Variants in HPRT1 observed in about 807,000 individuals in gnomAD.
HPRT1 encodes the protein hypoxanthine phosphoribosyltransferase 1, also known as hypoxanthine-guanine phosphoribosyltransferase.
A neutral mutation model predicts 19.0 loss-of-function variants in HPRT1; 4 were observed. That is an observed-to-expected ratio of 0.21 (90% CI 0.10 to 0.48). The LOEUF (loss-of-function observed/expected upper bound fraction) is 0.48, where lower values mean the gene tolerates loss of function less well. Among genes scored for constraint, HPRT1 ranks in the 20% least tolerant of loss-of-function variants. The probability of loss-of-function intolerance (pLI) is 0.98; values close to 1 mark genes in which losing one functional copy is unlikely to be tolerated. For missense variants in HPRT1, 65 were observed against 164.0 expected (o/e 0.40, Z 3.30); for synonymous variants, 53 against 54.9 (o/e 0.97, Z 0.15).
At chrX:134,492,369 T>A (rs988168069) in intron 5 of HPRT1, 2 of 201,098 alleles carry the variant, frequency 9.9e-6, no homozygotes. Flanking sequence ...CCCAGAAGTA[T>A]GACAATTATC....
At chrX:134,488,930 C>A (rs931615511) in intron 4 of HPRT1, among the ~76,000 whole-genome samples, 3 of 111,690 alleles carry the variant, frequency 2.7e-5, no homozygotes, top group Non-Finnish European at 5.6e-5. Flanking sequence ...TTTTTCCTGC[C>A]TGTAAAATAG....
At chrX:134,469,810 A>G (rs2077606258) in intron 1 of HPRT1, among the ~76,000 whole-genome samples, 2 of 112,326 alleles carry the variant, frequency 1.8e-5, no homozygotes, top group Non-Finnish European at 3.7e-5. Flanking sequence ...CATTCTTGTC[A>G]AGTGATAACA....
At chrX:134,475,047 ATTTTT>A in intron 2 of HPRT1, 129 bp from the exon 3 acceptor site, 1 of 415,732 alleles carries the variant, frequency 2.4e-6, no homozygotes. Context: ...TGCCTGGCTA[ATTTTT>A]TTTTTTTTGC....
chrX:134,467,869 G>A (rs2077600978), intron 1 of HPRT1, among the ~76,000 whole-genome samples: 1 of 98,576 alleles, frequency 1.0e-5, no homozygotes, highest in South Asian at 5.3e-4. Context: ...GTAGTGGTAT[G>A]ATCTCGGCTC....
intron 6 of HPRT1, 58 bp from the exon 7 acceptor site, chrX:134,498,332 C>A: frequency 1.1e-6 from 1 of 942,687 alleles, no homozygotes; most frequent in Non-Finnish European, 1.5e-6. Context: ...TCAGTCTTCT[C>A]TTTTGTAATG....
intron 5 of HPRT1, among the ~76,000 whole-genome samples, chrX:134,492,148 C>G (rs1337315079): frequency 1.9e-5 from 2 of 103,666 alleles, no homozygotes; most frequent in African/African-American, 7.1e-5. Flanking sequence ...ACCTCGGCCT[C>G]GCAAAGTGCT....
intron 1 of HPRT1, among the ~76,000 whole-genome samples, chrX:134,467,009 A>G: frequency 1.1e-5 from 1 of 92,695 alleles, no homozygotes; most frequent in East Asian, 3.9e-4. Context: ...AGTTAGTTGT[A>G]TGTATATATG....
chrX:134,463,200 T>TACA (rs1399480660), intron 1 of HPRT1, among the ~76,000 whole-genome samples: 1 of 112,029 alleles, frequency 8.9e-6, no homozygotes, highest in African/African-American at 3.2e-5. Flanking sequence ...ATGTGTCTGA[T>TACA]ACAACCCATG....
intron 6 of HPRT1, among the ~76,000 whole-genome samples, chrX:134,497,251 C>A (rs1305789976): frequency 9.0e-6 from 1 of 111,063 alleles, no homozygotes; most frequent in African/African-American, 3.3e-5. Context: ...ATCGCTAGAG[C>A]CCAAGAAGTC....
chrX:134,499,815 C>A (rs1005099651), intron 8 of HPRT1, among the ~76,000 whole-genome samples: 2 of 109,755 alleles, frequency 1.8e-5, no homozygotes, highest in Admixed American at 9.6e-5. Context: ...AAAAAAAAAA[C>A]AAAAACAAGA....
At chrX:134,463,124 T>G (rs2077588745) in intron 1 of HPRT1, among the ~76,000 whole-genome samples, 1 of 111,937 alleles carries the variant, frequency 8.9e-6, no homozygotes, top group Non-Finnish European at 1.9e-5. Context: ...AACACTAGTA[T>G]GACCTTGGAG....
At position 134,500,131 on chromosome X, in the gene HPRT1, G is replaced by A; in HGVS notation, c.*54G>A. On this transcript the variant is annotated 3_prime_UTR_variant, in exon 9 of 9. Coordinates refer to ENST00000298556, the MANE Select transcript of HPRT1 (RefSeq NM_000194.3). The stretch of plus-strand genomic sequence containing the variant: ...ATCTGGAGTCCTATTGACATCGCCA[G>A]TAAAATTATCAATGTTCTAGTTCTG... The A allele has an allele frequency of 3.7e-6, 3 of 814,808 alleles. No individual in the cohort carries two copies. Among genetic ancestry groups the A allele is most frequent in the Non-Finnish European group, 5.6e-6 (3 of 532,848 alleles). 67.1% of individuals were successfully genotyped at this position (814,808 alleles called of 1,213,427 possible). A position where few individuals can be genotyped will look rare whatever the true frequency, so the allele number is the denominator to read the frequency against.
chrX:134,498,320 C>A (rs1324140785), intron 6 of HPRT1, 70 bp from the exon 7 acceptor site: 2 of 831,586 alleles, frequency 2.4e-6, no homozygotes, highest in African/African-American at 4.0e-5. Context: ...TGTTTAGAAA[C>A]GTCAGTCTTC....
At chrX:134,490,404 CCT>C (rs1180976823) in intron 5 of HPRT1, among the ~76,000 whole-genome samples, 199 bp downstream of exon 5, 1 of 107,812 alleles carries the variant, frequency 9.3e-6, no homozygotes, top group African/African-American at 3.3e-5. Flanking sequence ...ATACTTCCTA[CCT>C]CTCTTTTTTT....
rs768871194 is a variant in HPRT1, at chrX:134,491,691, C to A, written c.402+1486C>A. Among the ~76,000 whole-genome samples the A allele has an allele frequency of 2.7e-5, 3 of 109,569 alleles. No individual in the cohort carries two copies. In the East Asian group the frequency reaches 8.6e-4, roughly 31 times the overall value. ...CACCTCCACAAAACCTTCCTTGATA[C>A]CCCTTTCCTCTTCAATTCACTTGGA... On this transcript the variant is annotated intron_variant, in intron 5 of 8. Transcript: ENST00000298556.
At chrX:134,460,832 A>C (rs1379078385) in intron 1 of HPRT1, among the ~76,000 whole-genome samples, 1 of 110,736 alleles carries the variant, frequency 9.0e-6, no homozygotes, top group Non-Finnish European at 1.9e-5. Flanking sequence ...AGTTTTGCAC[A>C]CACTGTAGTT....
intron 1 of HPRT1, among the ~76,000 whole-genome samples, chrX:134,462,394 C>G (rs974824253): frequency 1.8e-5 from 2 of 111,284 alleles, no homozygotes; most frequent in African/African-American, 3.3e-5. Flanking sequence ...GTTGGCCAGG[C>G]TACTCTCGAA....
chrX:134,496,044 T>TA (rs1404599054), intron 6 of HPRT1, among the ~76,000 whole-genome samples: 2 of 112,563 alleles, frequency 1.8e-5, no homozygotes, highest in Non-Finnish European at 3.7e-5. Flanking sequence ...CTTTTATGAA[T>TA]AATGTTGATT....
intron 6 of HPRT1, among the ~76,000 whole-genome samples, chrX:134,494,795 TATATGCTGTG>T (rs1239532912): frequency 8.9e-6 from 1 of 111,807 alleles, no homozygotes; most frequent in Non-Finnish European, 1.9e-5. Flanking sequence ...TCTTTCCTGG[TATATGCTGTG>T]GAATTGAGAT....
Sources: allele counts gnomAD v4.1 joint callset (sites outside exome capture counted in the v4.1 genomes callset), GRCh38; gene constraint gnomAD v4.1.1; transcripts MANE v1.5; gene names NCBI Gene and HGNC (gene_info 2026-07-23, HGNC 2026-07-21).